Variants in ENTPD1 observed in about 807,000 individuals in gnomAD.
The protein encoded by ENTPD1 is ectonucleoside triphosphate diphosphohydrolase 1.
In ENTPD1, 33 loss-of-function variants were observed where a neutral mutation model predicts 57.0. The observed-to-expected ratio is 0.58, with a 90% CI of 0.44 to 0.77. The LOEUF is 0.77. Ranked by LOEUF, ENTPD1 falls within the 30% of genes least tolerant of loss-of-function variation. The probability of loss-of-function intolerance (pLI) is 0.00; values close to 1 mark genes in which losing one functional copy is unlikely to be tolerated. For synonymous variants in ENTPD1, 202 were observed against 218.8 expected, an observed-to-expected ratio of 0.92 and a Z score of 0.68; for missense variants, 501 against 603.4, an observed-to-expected ratio of 0.83 and a Z score of 1.78.
intron 1 of ENTPD1, among the ~76,000 whole-genome samples, chr10:95,816,388 A>C (rs2098330150): frequency 6.6e-6 from 1 of 152,134 alleles, no homozygotes; most frequent in Non-Finnish European, 1.5e-5. Flanking sequence ...CTCATCTGTA[A>C]ACTAACAATA....
At chr10:95,801,308 C>T (rs1253415337) in intron 1 of ENTPD1, among the ~76,000 whole-genome samples, 1 of 152,102 alleles carries the variant, frequency 6.6e-6, no homozygotes, top group Non-Finnish European at 1.5e-5. Context: ...TCTAGGTTGT[C>T]TTCCAGGATT....
At chr10:95,819,945 G>A (rs2098343262) in intron 1 of ENTPD1, among the ~76,000 whole-genome samples, 2 of 152,210 alleles carry the variant, frequency 1.3e-5, no homozygotes. Flanking sequence ...GGGCTTTTCA[G>A]GGGGAAGACA....
upstream of ENTPD1, chr10:95,754,351 A>G (rs967711455): frequency 2.0e-5 from 3 of 151,758 alleles, 1 homozygote; most frequent in Admixed American, 2.0e-4. Flanking sequence ...CTAATGTAAT[A>G]AAGTAGAGAA....
intron 1 of ENTPD1, among the ~76,000 whole-genome samples, chr10:95,765,241 CCTAT>C (rs1255047439): frequency 6.6e-6 from 1 of 152,024 alleles, no homozygotes; most frequent in Non-Finnish European, 1.5e-5. Context: ...GTTTTGTTGT[CCTAT>C]CTAAGAAACT....
At chr10:95,767,138 C>T (rs1467198438) in intron 1 of ENTPD1, among the ~76,000 whole-genome samples, 1 of 151,426 alleles carries the variant, frequency 6.6e-6, no homozygotes, top group African/African-American at 2.4e-5. Context: ...CATGGTGAAA[C>T]CCCATCTCTA....
the ENTPD1 span, among the ~76,000 whole-genome samples, chr10:95,698,387 T>C: frequency 1.3e-5 from 2 of 151,674 alleles, no homozygotes; most frequent in East Asian, 3.9e-4. Flanking sequence ...GGAAGCAGAG[T>C]GGAAGGATTT....
At chr10:95,795,063 C>T (rs987005279) in intron 1 of ENTPD1, among the ~76,000 whole-genome samples, 20 of 152,102 alleles carry the variant, frequency 1.3e-4, no homozygotes, top group Admixed American at 6.5e-5. Flanking sequence ...GAGAAGATTA[C>T]TCTGGCCGTA....
chr10:95,706,053 C>G, the ENTPD1 span, among the ~76,000 whole-genome samples: 2 of 152,204 alleles, frequency 1.3e-5, no homozygotes. Context: ...GAGCAGTGAT[C>G]ATGCCACTGC....
At position 95,874,783 on chromosome 10, in the gene ENTPD1, C is replaced by A. The variant is rs1176740496; in HGVS notation, c.*8400C>A. Among the ~76,000 whole-genome samples the A allele has an allele frequency of 6.6e-6, 1 of 152,240 alleles. No individual in the cohort carries two copies. Among genetic ancestry groups the A allele is most frequent in the Non-Finnish European group, 1.5e-5 (1 of 68,038 alleles). The stretch of plus-strand genomic sequence containing the variant: ...ATATTCTGAAATCTAGGCAGAGGTT[C>A]CCAAATCTCAATTCTTGACATCTCT... On this transcript the variant is annotated 3_prime_UTR_variant, in exon 10 of 10. Coordinates refer to ENST00000371205, the MANE Select transcript of ENTPD1 (RefSeq NM_001776.6).
intron 1 of ENTPD1, among the ~76,000 whole-genome samples, chr10:95,810,041 G>A (rs2098296918): frequency 7.0e-6 from 1 of 142,368 alleles, no homozygotes; most frequent in Non-Finnish European, 1.5e-5. Flanking sequence ...GTCGGGCAGA[G>A]GCACTCCTCA....
intron 1 of ENTPD1, among the ~76,000 whole-genome samples, chr10:95,804,023 T>C (rs1449732377): frequency 6.6e-6 from 1 of 152,106 alleles, no homozygotes; most frequent in African/African-American, 2.4e-5. Flanking sequence ...AGATGTGTGG[T>C]GTTATTTCTG....
At chr10:95,728,018 T>C (rs1478251333) in intron 1 of ENTPD1, among the ~76,000 whole-genome samples, 1 of 152,244 alleles carries the variant, frequency 6.6e-6, no homozygotes, top group African/African-American at 2.4e-5. Flanking sequence ...CATTGTAGTT[T>C]TAGTTATTAC....
chr10:95,779,249 A>G (rs1192095432), intron 1 of ENTPD1, among the ~76,000 whole-genome samples: 1 of 152,078 alleles, frequency 6.6e-6, no homozygotes, highest in Non-Finnish European at 1.5e-5. Flanking sequence ...TCCATAGGAG[A>G]TAGTCCCTCA....
In ENTPD1 at chr10:95,868,821, T is replaced by C. The variant is rs2098477175; in HGVS notation, c.*2438T>C. On this transcript the variant is annotated 3_prime_UTR_variant, in exon 10 of 10. Transcript: ENST00000371205. ...CAAATCTTTTCTTATTCCATTCCTG[T>C]TTGGTTGCCTACGTCCAATCTCCCC... 1 of 985,200 alleles carries C rather than the reference T, an allele frequency of 1.0e-6. No homozygotes were observed. The highest frequency in any genetic ancestry group is 1.7e-5 in the African/African-American group (1 of 57,194). 61.0% of individuals were successfully genotyped at this position (985,200 alleles called of 1,614,324 possible).
intron 1 of ENTPD1, among the ~76,000 whole-genome samples, chr10:95,788,481 G>A (rs1396898086): frequency 2.0e-5 from 3 of 152,064 alleles, no homozygotes; most frequent in Non-Finnish European, 2.9e-5. Flanking sequence ...GCTGGGCGTG[G>A]TGGTGGGTGC....
chr10:95,727,492 G>T (rs1365162962), intron 1 of ENTPD1, among the ~76,000 whole-genome samples: 1 of 152,028 alleles, frequency 6.6e-6, no homozygotes, highest in African/African-American at 2.4e-5. Flanking sequence ...CCATTTCTTT[G>T]TGGAAAGAAT....
chr10:95,742,617 T>G (rs1162112481), intron 1 of ENTPD1, among the ~76,000 whole-genome samples: 1 of 152,074 alleles, frequency 6.6e-6, no homozygotes, highest in Admixed American at 6.6e-5. Flanking sequence ...GTTTTCACAT[T>G]GAGTTCAATG....
At chr10:95,788,785 T>A (rs973472231) in intron 1 of ENTPD1, among the ~76,000 whole-genome samples, 4 of 152,216 alleles carry the variant, frequency 2.6e-5, no homozygotes, top group African/African-American at 9.6e-5. Context: ...TGGGTGAGTT[T>A]AATTTTCTTA....
chr10:95,756,419 G>A, intron 1 of ENTPD1, 164 bp downstream of exon 1: 1 of 844,150 alleles, frequency 1.2e-6, no homozygotes, highest in Non-Finnish European at 1.9e-6. Context: ...AGAGCTTTGG[G>A]AAACTTTTTA....
Sources: allele counts gnomAD v4.1 joint callset (sites outside exome capture counted in the v4.1 genomes callset), GRCh38; gene constraint gnomAD v4.1.1; transcripts MANE v1.5; gene names NCBI Gene and HGNC (gene_info 2026-07-23, HGNC 2026-07-21).